RAD51B: variants seen among roughly 807,000 people sequenced by gnomAD.
RAD51B encodes the protein RAD51 paralog B.
Under a neutral mutation model 42.2 loss-of-function variants are expected in RAD51B, and 38 were observed. The observed-to-expected ratio is 0.90, with a 90% CI of 0.70 to 1.18. The LOEUF is 1.18. RAD51B is among the 50% of genes most tolerant of loss of function. The pLI is 0.00. For synonymous variants in RAD51B, 154 were observed against 145.2 expected (o/e 1.06, Z -0.43); for missense variants, 373 against 400.7 (o/e 0.93, Z 0.59).
intron 7 of RAD51B, among the ~76,000 whole-genome samples, chr14:68,059,622 G>A (rs893690304): frequency 6.6e-6 from 1 of 152,058 alleles, no homozygotes; most frequent in Non-Finnish European, 1.5e-5. Flanking sequence ...GGTCATATAC[G>A]ACTCCTTCCA....
At chr14:68,142,151 T>A (rs982255459) in intron 7 of RAD51B, among the ~76,000 whole-genome samples, 6 of 152,024 alleles carry the variant, frequency 3.9e-5, no homozygotes, top group African/African-American at 4.8e-5. Context: ...GTTTTTTTTT[T>A]AAATGTCATA....
In RAD51B at chr14:68,078,800, C is replaced by T. The variant is rs185379067; in HGVS notation, c.756+191596C>T. Reference sequence around the variant, plus strand: ...AGCCCAAGGGTTCCAGACCAGCCTGCGCAAAAGAGGGAGCCCCTGTCTCTA... The same window carrying T: ...AGCCCAAGGGTTCCAGACCAGCCTGTGCAAAAGAGGGAGCCCCTGTCTCTA... On this transcript the variant is annotated intron_variant, in intron 7 of 10. Transcript: ENST00000471583. Among the ~76,000 whole-genome samples, 149 of 152,064 alleles carry T rather than the reference C, an allele frequency of 9.8e-4. 1 individual carries two copies. The highest frequency in any genetic ancestry group is 3.9e-3 in the Admixed American group (59 of 15,270).
At chr14:68,194,081 T>C (rs1332646525) in intron 7 of RAD51B, among the ~76,000 whole-genome samples, 1 of 152,234 alleles carries the variant, frequency 6.6e-6, no homozygotes, top group Non-Finnish European at 1.5e-5. Flanking sequence ...GTTACACTTT[T>C]TTCCTTTGCA....
At chr14:67,837,855 A>G (rs1440634867) in intron 4 of RAD51B, among the ~76,000 whole-genome samples, 2 of 152,310 alleles carry the variant, frequency 1.3e-5, no homozygotes, top group East Asian at 3.9e-4. Context: ...ATTGTTGTAA[A>G]TTATAGTTTA....
chr14:68,295,892 T>A (rs567682247), intron 8 of RAD51B, among the ~76,000 whole-genome samples: 1 of 152,148 alleles, frequency 6.6e-6, no homozygotes, highest in South Asian at 2.1e-4. Flanking sequence ...CGCCCCCAAA[T>A]CCCAGTGTGT....
chr14:68,101,930 T>C (rs2077297477), intron 7 of RAD51B, among the ~76,000 whole-genome samples: 2 of 152,244 alleles, frequency 1.3e-5, no homozygotes, highest in Non-Finnish European at 2.9e-5. Flanking sequence ...TCCAAGTGTT[T>C]CCATACATCC....
chr14:68,375,118 G>A (rs1594747979), intron 8 of RAD51B, among the ~76,000 whole-genome samples: 2 of 151,900 alleles, frequency 1.3e-5, no homozygotes, highest in East Asian at 3.9e-4. Flanking sequence ...AAAACTTAGC[G>A]TTACCCTATT....
intron 6 of RAD51B, 135 bp downstream of exon 6, chr14:67,886,123 T>C (rs772538922): frequency 2.8e-4 from 187 of 656,616 alleles, no homozygotes; most frequent in Non-Finnish European, 4.2e-4. Flanking sequence ...TGTTCTTCTT[T>C]GTTATAGCCT....
intron 7 of RAD51B, among the ~76,000 whole-genome samples, chr14:68,234,914 CTT>C (rs1185339535): frequency 1.3e-5 from 2 of 152,028 alleles, no homozygotes; most frequent in Middle Eastern, 3.2e-3. Flanking sequence ...CTTTTTGACT[CTT>C]TTGTAGTAAA....
At chr14:68,338,529 G>T (rs991521800) in intron 8 of RAD51B, among the ~76,000 whole-genome samples, 1 of 152,176 alleles carries the variant, frequency 6.6e-6, no homozygotes, top group Non-Finnish European at 1.5e-5. Flanking sequence ...TGGCACAGGT[G>T]ATATGTCTGC....
chr14:68,069,849 C>A (rs774030732), intron 7 of RAD51B, among the ~76,000 whole-genome samples: 54 of 152,190 alleles, frequency 3.5e-4, no homozygotes, highest in Middle Eastern at 3.4e-3. Flanking sequence ...ATGTTAAATT[C>A]TTTGAGAAGT....
chr14:68,592,952 T>C (rs1890823502), intron 10 of RAD51B, among the ~76,000 whole-genome samples: 1 of 152,154 alleles, frequency 6.6e-6, no homozygotes, highest in Admixed American at 6.5e-5. Flanking sequence ...CAGGGTGGGA[T>C]TCCAGAACTT....
chr14:67,901,166 C>A (rs911861563), intron 7 of RAD51B, among the ~76,000 whole-genome samples: 5 of 152,196 alleles, frequency 3.3e-5, no homozygotes, highest in Admixed American at 3.3e-4. Flanking sequence ...AAAGTTCCCT[C>A]CTAAGGATGT....
At chr14:68,016,247 A>T (rs577370165) in intron 7 of RAD51B, among the ~76,000 whole-genome samples, 34 of 152,306 alleles carry the variant, frequency 2.2e-4, no homozygotes, top group African/African-American at 6.7e-4. Flanking sequence ...AAACATATAT[A>T]ACTCACCAAC....
intron 8 of RAD51B, among the ~76,000 whole-genome samples, chr14:68,396,520 A>G (rs1454547047): frequency 6.6e-6 from 1 of 152,246 alleles, no homozygotes; most frequent in African/African-American, 2.4e-5. Context: ...ATACAGAAAG[A>G]TATATGATCA....
chr14:68,570,168 C>T (rs960361859), intron 10 of RAD51B, among the ~76,000 whole-genome samples: 1 of 152,134 alleles, frequency 6.6e-6, no homozygotes, highest in Non-Finnish European at 1.5e-5. Flanking sequence ...CCTGGGTCCC[C>T]ATACCCAGGT....
intron 4 of RAD51B, among the ~76,000 whole-genome samples, chr14:67,845,273 G>C (rs1029974754): frequency 6.6e-6 from 1 of 152,136 alleles, no homozygotes; most frequent in African/African-American, 2.4e-5. Flanking sequence ...ACTCCCTTCA[G>C]GACCTCTCGT....
intron 8 of RAD51B, among the ~76,000 whole-genome samples, chr14:68,331,198 C>T (rs545951216): frequency 6.6e-6 from 1 of 151,374 alleles, no homozygotes; most frequent in African/African-American, 2.4e-5. Context: ...CCCGTCTCTA[C>T]TAAAAATACA....
At chr14:68,165,583 G>A (rs2078732465) in intron 7 of RAD51B, among the ~76,000 whole-genome samples, 1 of 152,076 alleles carries the variant, frequency 6.6e-6, no homozygotes, top group Admixed American at 6.6e-5. Context: ...TGTCTTGTGA[G>A]AACTGGCATG....
Sources: allele counts gnomAD v4.1 joint callset (sites outside exome capture counted in the v4.1 genomes callset), GRCh38; gene constraint gnomAD v4.1.1; transcripts MANE v1.5; gene names NCBI Gene and HGNC (gene_info 2026-07-23, HGNC 2026-07-21).